The following AUH variants were observed in gnomAD, a reference collection of about 807,000 sequenced individuals.
AUH encodes methylglutaconyl-CoA hydratase, mitochondrial.
A neutral mutation model predicts 42.3 loss-of-function variants in AUH; 29 were observed. That is an observed-to-expected ratio of 0.69 (90% CI 0.51 to 0.93). AUH has a LOEUF of 0.93. AUH is among the 40% of genes least tolerant of loss of function. AUH has a pLI of 0.00. For missense variants in AUH, 452 were observed against 438.1 expected (o/e 1.03, Z -0.28); for synonymous variants, 174 against 166.4 (o/e 1.05, Z -0.35).
At chr9:91,264,325 G>A (rs1239250833) in intron 6 of AUH, among the ~76,000 whole-genome samples, 1 of 152,082 alleles carries the variant, frequency 6.6e-6, no homozygotes, top group African/African-American at 2.4e-5. Context: ...TACAAACTGA[G>A]GCATGAGTGG....
At chr9:91,351,069 A>C (rs1587919587) in intron 3 of AUH, among the ~76,000 whole-genome samples, 1 of 151,958 alleles carries the variant, frequency 6.6e-6, no homozygotes, top group South Asian at 2.1e-4. Context: ...TTCCAAGCTC[A>C]TGCGACTCTC....
chr9:91,313,029 GA>G (rs138004192), intron 4 of AUH, among the ~76,000 whole-genome samples: 6 of 151,712 alleles, frequency 4.0e-5, no homozygotes, highest in Non-Finnish European at 8.8e-5. Flanking sequence ...AGGACAAGAG[GA>G]AAAAAAACTA....
At chr9:91,288,593 A>T (rs1333819401) in intron 6 of AUH, among the ~76,000 whole-genome samples, 1 of 152,158 alleles carries the variant, frequency 6.6e-6, no homozygotes, top group African/African-American at 2.4e-5. Context: ...TCAAAAACAT[A>T]TATACACATA....
chr9:91,343,654 C>G (rs1479440525), intron 3 of AUH, among the ~76,000 whole-genome samples: 1 of 152,160 alleles, frequency 6.6e-6, no homozygotes, highest in Non-Finnish European at 1.5e-5. Flanking sequence ...ATCCCAGCTA[C>G]TCGGGAGGCG....
chr9:91,243,465 AC>A (rs1828625603), intron 6 of AUH, among the ~76,000 whole-genome samples: 1 of 152,258 alleles, frequency 6.6e-6, no homozygotes, highest in Non-Finnish European at 1.5e-5. Context: ...GAAATGAATT[AC>A]ACGGCAAGGC....
chr9:91,227,160 G>A (rs59796853), intron 6 of AUH, among the ~76,000 whole-genome samples: 7,155 of 150,612 alleles, frequency 0.048, 355 homozygotes, highest in African/African-American at 0.13. Context: ...CCATTTTCAC[G>A]ATATTGATTC....
chr9:91,224,228 T>G (rs1181409649), intron 6 of AUH, among the ~76,000 whole-genome samples: 1 of 152,252 alleles, frequency 6.6e-6, no homozygotes, highest in Admixed American at 6.5e-5. Context: ...TAAGTTTTCA[T>G]GTGCTTATTG....
chr9:91,332,406 G>A (rs1372355479), intron 3 of AUH, among the ~76,000 whole-genome samples: 1 of 152,172 alleles, frequency 6.6e-6, no homozygotes, highest in African/African-American at 2.4e-5. Context: ...GGAGGCTGAG[G>A]CAGGAAAATC....
chr9:91,217,914 A>T (rs985099585), intron 7 of AUH, among the ~76,000 whole-genome samples: 2 of 152,220 alleles, frequency 1.3e-5, no homozygotes, highest in African/African-American at 4.8e-5. Context: ...ACAAGGAATG[A>T]ACTGGATATC....
chr9:91,357,522 G>A (rs1374583998), intron 1 of AUH: 7 of 955,584 alleles, frequency 7.3e-6, no homozygotes, highest in African/African-American at 1.8e-5. Flanking sequence ...GTCTAGGAGG[G>A]AAATACAAAC....
At chr9:91,235,450 G>A (rs569287234) in intron 6 of AUH, among the ~76,000 whole-genome samples, 12 of 152,300 alleles carry the variant, frequency 7.9e-5, no homozygotes, top group African/African-American at 2.9e-4. Context: ...ATGGAGGAGG[G>A]GGAAGCTGTG....
At chr9:91,239,821 AGCAGAACCT>A (rs2131333641) in intron 6 of AUH, among the ~76,000 whole-genome samples, 1 of 152,282 alleles carries the variant, frequency 6.6e-6, no homozygotes, top group East Asian at 1.9e-4. Context: ...GCTCAACCCC[AGCAGAACCT>A]GCCTGAAGCA....
chr9:91,253,479 G>A (rs932230376), intron 6 of AUH, among the ~76,000 whole-genome samples: 4 of 152,204 alleles, frequency 2.6e-5, no homozygotes, highest in African/African-American at 9.7e-5. Flanking sequence ...CCCAAGAAGA[G>A]GTAAACCTAC....
chr9:91,231,108 C>G (rs1219802732), intron 6 of AUH, among the ~76,000 whole-genome samples: 1 of 152,216 alleles, frequency 6.6e-6, no homozygotes, highest in Admixed American at 6.5e-5. Context: ...GCTTTGTTTA[C>G]CTAAGCAAGC....
At chr9:91,360,896 C>A (rs1043988808) in intron 1 of AUH, among the ~76,000 whole-genome samples, 1 of 152,154 alleles carries the variant, frequency 6.6e-6, no homozygotes, top group Admixed American at 6.5e-5. Flanking sequence ...CCTTCACGAC[C>A]CTTTTAGCTT....
intron 3 of AUH, among the ~76,000 whole-genome samples, chr9:91,333,476 C>CA (rs1279591168): frequency 9.9e-5 from 15 of 152,126 alleles, no homozygotes; most frequent in Middle Eastern, 6.8e-3. Flanking sequence ...CTGACAAAAG[C>CA]AAAAATATAT....
At chr9:91,257,302 G>A (rs1395273179) in intron 6 of AUH, among the ~76,000 whole-genome samples, 1 of 151,756 alleles carries the variant, frequency 6.6e-6, no homozygotes, top group Non-Finnish European at 1.5e-5. Flanking sequence ...ACTGGGCACT[G>A]CCAGAGACGA....
At chr9:91,356,627 G>C (rs2132087566) in intron 1 of AUH, among the ~76,000 whole-genome samples, 1 of 152,212 alleles carries the variant, frequency 6.6e-6, no homozygotes, top group South Asian at 2.1e-4. Context: ...AGATGTCCAA[G>C]AAGTACTTCC....
intron 1 of AUH, among the ~76,000 whole-genome samples, chr9:91,361,364 C>T (rs1288704417): frequency 3.9e-5 from 6 of 152,186 alleles, no homozygotes; most frequent in African/African-American, 1.4e-4. Context: ...GCGTAAGCTG[C>T]ACTTCTGTTT....
Sources: gnomAD v4.1 joint callset for allele counts (sites outside exome capture counted in the v4.1 genomes callset) on GRCh38, gnomAD v4.1.1 for gene constraint, MANE v1.5 for transcripts, NCBI Gene and HGNC (gene_info 2026-07-23, HGNC 2026-07-21) for gene names.